RAD54L2: variants seen among roughly 807,000 people sequenced by gnomAD.
The protein encoded by RAD54L2 is RAD54 like 2, also known as helicase ARIP4.
A neutral mutation model predicts 138.4 loss-of-function variants in RAD54L2; 27 were observed. The ratio of observed to expected loss-of-function variants is 0.20; its 90% confidence interval spans 0.14 to 0.27. The LOEUF is 0.27. Ranked by LOEUF, RAD54L2 falls within the 10% of genes least tolerant of loss-of-function variation. The pLI, the probability that RAD54L2 is intolerant of heterozygous loss-of-function variation, is 1.00. For synonymous variants in RAD54L2, 644 were observed against 723.2 expected (o/e 0.89, Z 1.76); for missense variants, 1,396 against 1,890.2 (o/e 0.74, Z 4.85).
chr3:51,585,756 G>T (rs902587742), intron 2 of RAD54L2, among the ~76,000 whole-genome samples: 5 of 152,156 alleles, frequency 3.3e-5, no homozygotes, highest in African/African-American at 1.2e-4. Context: ...ACACTTAGGG[G>T]TTGAATATTT....
intron 15 of RAD54L2, among the ~76,000 whole-genome samples, chr3:51,643,301 G>T (rs1446631082): frequency 6.6e-6 from 1 of 152,182 alleles, no homozygotes; most frequent in Non-Finnish European, 1.5e-5. Context: ...CCAAACTGTT[G>T]GGATTACAGG....
chr3:51,579,473 C>G (rs560224695), intron 2 of RAD54L2, among the ~76,000 whole-genome samples: 15 of 152,230 alleles, frequency 9.9e-5, no homozygotes, highest in Non-Finnish European at 1.5e-4. Flanking sequence ...TTTATTATTA[C>G]TTAAAATATG....
intron 3 of RAD54L2, among the ~76,000 whole-genome samples, chr3:51,612,747 C>CCATTGTTTCATAGTCAT (rs1559636693): frequency 2.0e-5 from 3 of 149,502 alleles, no homozygotes; most frequent in African/African-American, 7.3e-5. Context: ...GCAATCTTTT[C>CCATTGTTTCATAGTCAT]CATTGTTTCA....
intron 2 of RAD54L2, among the ~76,000 whole-genome samples, chr3:51,586,307 T>C (rs1013611020): frequency 6.6e-6 from 1 of 152,198 alleles, no homozygotes; most frequent in Admixed American, 6.5e-5. Context: ...TTTGTAGATA[T>C]GGGCATCGCT....
chr3:51,645,271 G>A lies in RAD54L2; in HGVS notation c.2656+42G>A, dbSNP rs1446127056. ...ACTTCGGAGAGGCACATCTATACAGGCTACCATCCTTTTAGTATCAAGGGT... is the reference window on the plus strand; with the variant it reads ...ACTTCGGAGAGGCACATCTATACAGACTACCATCCTTTTAGTATCAAGGGT... On this transcript the variant is annotated intron_variant, in intron 17 of 22. Transcript: ENST00000684192. The surrounding 1 kb of genome is among the most constrained non-coding windows in gnomAD (Gnocchi z 6.1). 1.3e-6 allele frequency: 2 copies of A among 1,531,060 alleles called. No individual in the cohort carries two copies. Among genetic ancestry groups the A allele is most frequent in the African/African-American group, 2.7e-5 (2 of 73,156 alleles). 94.8% of individuals were successfully genotyped at this position (1,531,060 alleles called of 1,614,324 possible). A position where few individuals can be genotyped will look rare whatever the true frequency, so the allele number is the denominator to read the frequency against.
At position 51,665,345 on chromosome 3, in the gene RAD54L2, T is replaced by A. The variant is rs1017431048; in HGVS notation, c.*1925T>A. Reference sequence around the variant, plus strand: ...TCCCAGTAGTAGCTCCTACAGCTCTTCTGACCAGCCCATTTCCATCTTTGG... The same window carrying A: ...TCCCAGTAGTAGCTCCTACAGCTCTACTGACCAGCCCATTTCCATCTTTGG... On this transcript the variant is annotated 3_prime_UTR_variant, in exon 23 of 23. Coordinates refer to ENST00000684192, the MANE Select transcript of RAD54L2 (RefSeq NM_015106.4). 1 of 152,208 alleles carries A rather than the reference T, an allele frequency of 6.6e-6. No homozygotes were observed. Among genetic ancestry groups the A allele is most frequent in the Non-Finnish European group, 1.5e-5 (1 of 68,062 alleles). 9.4% of individuals were successfully genotyped at this position (152,208 alleles called of 1,614,324 possible).
intron 2 of RAD54L2, among the ~76,000 whole-genome samples, chr3:51,583,419 CT>C (rs1033285230): frequency 4.0e-5 from 6 of 150,156 alleles, no homozygotes; most frequent in Admixed American, 2.0e-4. Context: ...GTGGTAGCTT[CT>C]TTTTTTTTAT....
At chr3:51,618,609 A>G (rs1700500388) in intron 3 of RAD54L2, among the ~76,000 whole-genome samples, 1 of 152,096 alleles carries the variant, frequency 6.6e-6, no homozygotes, top group Admixed American at 6.6e-5. Flanking sequence ...GAGAAACTAT[A>G]CTTAAGAAGT....
rs954360626 is a variant in RAD54L2 at position 51,665,797 on chromosome 3, T to C, written c.*2377T>C. On this transcript the variant is annotated 3_prime_UTR_variant, in exon 23 of 23. Coordinates refer to ENST00000684192, the MANE Select transcript of RAD54L2 (RefSeq NM_015106.4). Reference sequence around the variant, plus strand: ...AGCACTGGGATCCCAGAGATGCATGTGTGCATGTGTATGTCTGTGTGTGTG... The same window carrying C: ...AGCACTGGGATCCCAGAGATGCATGCGTGCATGTGTATGTCTGTGTGTGTG... 9 of 152,146 alleles carry C rather than the reference T, an allele frequency of 5.9e-5. No homozygotes were observed. The highest frequency in any genetic ancestry group is 2.2e-4 in the African/African-American group (9 of 41,406). 9.4% of individuals were successfully genotyped at this position (152,146 alleles called of 1,614,324 possible).
intron 22 of RAD54L2, among the ~76,000 whole-genome samples, chr3:51,661,679 T>G (rs1701778508): frequency 6.6e-6 from 1 of 152,228 alleles, no homozygotes; most frequent in African/African-American, 2.4e-5. Context: ...TATGGAAATT[T>G]CAAATTTTCA....
At chr3:51,658,005 A>G (rs1275395304) in intron 21 of RAD54L2, among the ~76,000 whole-genome samples, 2 of 140,254 alleles carry the variant, frequency 1.4e-5, no homozygotes, top group East Asian at 4.1e-4. Flanking sequence ...GCTCACTGCA[A>G]CCTCCACCTC....
chr3:51,663,727 G>A lies in RAD54L2; in HGVS notation c.*307G>A, dbSNP rs547058040. On this transcript the variant is annotated 3_prime_UTR_variant, in exon 23 of 23. Coordinates refer to ENST00000684192, the MANE Select transcript of RAD54L2 (RefSeq NM_015106.4). ...GCTTATGCTGTCTGCTTGCTTGCTC[G>A]CCCATCTGAGTGTAGAAGCGCACAT... 28 of 321,940 alleles carry A rather than the reference G, an allele frequency of 8.7e-5. No homozygotes were observed. In the East Asian group the frequency reaches 1.5e-3, roughly 17 times the overall value. 19.9% of individuals were successfully genotyped at this position (321,940 alleles called of 1,614,324 possible).
chr3:51,646,625 A>C, intron 19 of RAD54L2, 144 bp downstream of exon 19: 4 of 903,510 alleles, frequency 4.4e-6, no homozygotes, highest in Non-Finnish European at 6.5e-6. Context: ...TAGGTGTGAA[A>C]GCAGTTCAGT....
intron 12 of RAD54L2, 95 bp from the exon 13 acceptor site, chr3:51,639,324 G>A (rs1370589807): frequency 9.2e-6 from 13 of 1,417,040 alleles, no homozygotes; most frequent in Admixed American, 2.0e-5. Context: ...ATTGTGGGAC[G>A]TGTGTGTTTG....
At chr3:51,563,979 A>G (rs1294652084) in intron 2 of RAD54L2, among the ~76,000 whole-genome samples, 1 of 152,232 alleles carries the variant, frequency 6.6e-6, no homozygotes, top group South Asian at 2.1e-4. Context: ...AAGGCAGCCC[A>G]GAGGGGGACA....
chr3:51,660,360 G>C (rs919811204), intron 22 of RAD54L2, among the ~76,000 whole-genome samples: 2 of 151,928 alleles, frequency 1.3e-5, no homozygotes, highest in Admixed American at 1.3e-4. Flanking sequence ...CCAGGCTGGA[G>C]TGCAGTGGCT....
At chr3:51,600,633 G>T (rs1163940319) in intron 3 of RAD54L2, among the ~76,000 whole-genome samples, 1 of 151,800 alleles carries the variant, frequency 6.6e-6, no homozygotes, top group Non-Finnish European at 1.5e-5. Context: ...GTAAAACCTT[G>T]ATCTTTACTT....
chr3:51,616,478 T>C (rs180881084), intron 3 of RAD54L2, among the ~76,000 whole-genome samples: 54 of 152,326 alleles, frequency 3.5e-4, no homozygotes, highest in African/African-American at 1.3e-3. Context: ...CTCACATATT[T>C]CACATGTACA....
chr3:51,651,657 A>G (rs1160452723), intron 19 of RAD54L2, among the ~76,000 whole-genome samples: 1 of 152,234 alleles, frequency 6.6e-6, no homozygotes, highest in Non-Finnish European at 1.5e-5. Context: ...AATGTAATCC[A>G]TCACATAAAC....
Sources: allele counts gnomAD v4.1 joint callset (sites outside exome capture counted in the v4.1 genomes callset), GRCh38; gene constraint gnomAD v4.1.1; non-coding constraint Gnocchi (gnomAD v3.1); transcripts MANE v1.5; gene names NCBI Gene and HGNC (gene_info 2026-07-23, HGNC 2026-07-21).